The following FZD1 variants were observed in gnomAD, a reference collection of about 807,000 sequenced individuals.
The protein encoded by FZD1 is frizzled-1.
In FZD1, 22 loss-of-function variants were observed where a neutral mutation model predicts 48.0. The observed-to-expected ratio is 0.46, with a 90% CI of 0.33 to 0.65. The LOEUF (loss-of-function observed/expected upper bound fraction) is 0.65. Among genes scored for constraint, FZD1 ranks in the 30% least tolerant of loss-of-function variants. The pLI is 0.02. For missense variants in FZD1, 843 were observed against 898.1 expected (o/e 0.94, Z 0.78); for synonymous variants, 486 against 409.6 (o/e 1.19, Z -2.25).
Position 91,265,719 on chromosome 7 carries a change from T to G in FZD1, c.839T>G (p.Leu280Arg). 2 of 1,609,000 alleles carry G rather than the reference T, an allele frequency of 1.2e-6. No individual in the cohort carries two copies. The highest frequency in any genetic ancestry group is 1.7e-6 in the Non-Finnish European group (2 of 1,177,924). ...ERGKFSCPRA[L>R]KVPSYLNYHF... ...GGCAAGTTCTCCTGCCCGCGCGCCC[T>G]CAAGGTGCCCTCCTACCTCAACTAC... The change falls in exon 1 of 1, where the codon CTC (leucine) becomes CGC (arginine). Residue 280 changes from leucine to arginine, a missense_variant. Leu to Arg is a moderately radical substitution (Grantham distance 102). Around this residue, in one of 2 missense-constraint regions of FZD1, gnomAD observed 490 missense variants for 466.5 expected, o/e 1.05. Transcript: ENST00000287934. The surrounding 1 kb of genome is among the most constrained non-coding windows in gnomAD (Gnocchi z 6.9).
chr7:91,265,773 C>T lies in FZD1; in HGVS notation c.893C>T (p.Ala298Val), dbSNP rs901971943. ...TTCCTGGGGGAGAAGGACTGCGGCG[C>T]ACCTTGTGAGCCGACCAAGGTGTAT... Reference protein sequence around the residue: ...YHFLGEKDCGAPCEPTKVYGL... With the variant: ...YHFLGEKDCGVPCEPTKVYGL... Residue 298 changes from alanine (A) to valine (V), a missense_variant, in exon 1 of 1, where the codon GCA becomes GTA. Physicochemically the swap from Ala to Val is moderately conservative, Grantham distance 64 (BLOSUM62 0). Coordinates refer to ENST00000287934, the MANE Select transcript of FZD1 (RefSeq NM_003505.2). The surrounding 1 kb of genome is among the most constrained non-coding windows in gnomAD (Gnocchi z 6.9). 1.2e-6 allele frequency: 2 copies of T among 1,612,464 alleles called. No individual in the cohort carries two copies. Among genetic ancestry groups the T allele is most frequent in the Non-Finnish European group, 1.7e-6 (2 of 1,179,074 alleles).
Position 91,266,697 on chromosome 7 carries a change from A to G in FZD1, c.1817A>G (p.Lys606Arg), listed in dbSNP as rs1371741004. The change falls in exon 1 of 1, where the codon AAG becomes AGG. Residue 606 changes from lysine (K) to arginine (R), a missense_variant. By Grantham distance (26) the Lys-to-Arg change is conservative (BLOSUM62 2). Around this residue, in one of 2 missense-constraint regions of FZD1, gnomAD observed 353 missense variants for 431.6 expected, o/e 0.82. Coordinates refer to ENST00000287934, the MANE Select transcript of FZD1 (RefSeq NM_003505.2). The surrounding 1 kb of genome is among the most constrained non-coding windows in gnomAD (Gnocchi z 6.8). ...CCGGACTTCACGGTCTTCATGATTA[A>G]GTACCTTATGACGCTGATCGTGGGC... ...MSPDFTVFMI[K>R]YLMTLIVGIT... The G allele has an allele frequency of 6.2e-7, 1 of 1,613,580 alleles. No individual in the cohort carries two copies. The highest frequency in any genetic ancestry group is 1.7e-5 in the Admixed American group (1 of 60,030).
chr7:91,265,915 GC>G lies in FZD1; in HGVS notation c.1036del (p.Arg346GlyfsTer62), dbSNP rs1214413792. Reference sequence around the variant, plus strand: ...CGGTGCTTACGTACCTGGTGGACATGCGGCGCTTCAGCTACCCGGAGCGGCC... The same window carrying G: ...CGGTGCTTACGTACCTGGTGGACATGGGCGCTTCAGCTACCCGGAGCGGCC... Reference protein sequence around the residue: ...FTVLTYLVDMRRFSYPERPII... With the variant: ...FTVLTYLVDMXRFSYPERPII... On this transcript the variant is annotated frameshift_variant, in exon 1 of 1. Coordinates refer to ENST00000287934, the MANE Select transcript of FZD1 (RefSeq NM_003505.2). LOFTEE classifies it high-confidence loss of function. The surrounding 1 kb of genome is among the most constrained non-coding windows in gnomAD (Gnocchi z 6.9). The G allele has an allele frequency of 6.2e-7, 1 of 1,614,080 alleles. No individual in the cohort carries two copies. Among genetic ancestry groups the G allele is most frequent in the Non-Finnish European group, 8.5e-7 (1 of 1,180,028 alleles).
rs1803890704 is a variant in FZD1, at chr7:91,266,799, G to C, written c.1919G>C (p.Ser640Thr). 1.9e-6 allele frequency: 3 copies of C among 1,601,136 alleles called. No individual in the cohort carries two copies. Among genetic ancestry groups the C allele is most frequent in the Non-Finnish European group, 2.6e-6 (3 of 1,172,406 alleles). ...WRKFYTRLTN[S>T]KQGETTV ...AAGTTCTACACGAGGCTCACCAACA[G>C]CAAACAAGGGGAGACTACAGTCTGA... Residue 640 changes from serine (S) to threonine (T), a missense_variant, in exon 1 of 1, where the codon AGC becomes ACC. This residue lies in a region of FZD1 where 353 missense variants were observed against 431.6 expected (regional missense o/e 0.82). Coordinates refer to ENST00000287934, the MANE Select transcript of FZD1 (RefSeq NM_003505.2). This position sits in a 1 kb window ranked among gnomAD's most constrained non-coding sequence, Gnocchi z 6.8.
In FZD1 at chr7:91,266,992, G is replaced by C; in HGVS notation, c.*168G>C. The C allele has an allele frequency of 1.7e-6, 1 of 582,774 alleles. No homozygotes were observed. Among genetic ancestry groups the C allele is most frequent in the Non-Finnish European group, 3.1e-6 (1 of 321,194 alleles). The allele number at this position is 582,774 out of a possible 1,614,324, so 36.1% of individuals were successfully genotyped here. On this transcript the variant is annotated 3_prime_UTR_variant, in exon 1 of 1. Coordinates refer to ENST00000287934, the MANE Select transcript of FZD1 (RefSeq NM_003505.2). The surrounding 1 kb of genome is among the most constrained non-coding windows in gnomAD (Gnocchi z 6.8). ...AGCTCCTGCAAAAGCTTCCGTCCCT[G>C]AGGCAAAAGGACACGAGGGCCCGAC... is the stretch of plus-strand genomic sequence containing the variant.
In FZD1 at chr7:91,264,575, G is replaced by A; in HGVS notation, c.-306G>A. The A allele has an allele frequency of 2.7e-6, 1 of 364,742 alleles. No homozygotes were observed. The highest frequency in any genetic ancestry group is 4.9e-6 in the Non-Finnish European group (1 of 203,728). The allele number at this position is 364,742 out of a possible 1,614,324, so 22.6% of individuals were successfully genotyped here. A position where few individuals can be genotyped will look rare whatever the true frequency, so the allele number is the denominator to read the frequency against. On this transcript the variant is annotated 5_prime_UTR_variant, in exon 1 of 1. Coordinates refer to ENST00000287934, the MANE Select transcript of FZD1 (RefSeq NM_003505.2). Reference sequence around the variant, plus strand: ...TGCGGAGAGTTGCGCTCTCTACGGGGCCGCGGCCACTAGCGCGGCGCCGCC... The same window carrying A: ...TGCGGAGAGTTGCGCTCTCTACGGGACCGCGGCCACTAGCGCGGCGCCGCC...
In FZD1 at chr7:91,268,780, A is replaced by G. The variant is rs1018174955; in HGVS notation, c.*1956A>G. On this transcript the variant is annotated 3_prime_UTR_variant, in exon 1 of 1. Transcript: ENST00000287934. ...AGCTGTCTGAACTATTTTACATTTT[A>G]TGGTGTCTCATAGCCAATCCCACAG... 6.0e-6 allele frequency: 1 copy of G among 166,846 alleles called. No homozygotes were observed. The highest frequency in any genetic ancestry group is 1.5e-5 in the Non-Finnish European group (1 of 68,084). The allele number at this position is 166,846 out of a possible 1,614,324, so 10.3% of individuals were successfully genotyped here. A position where few individuals can be genotyped will look rare whatever the true frequency, so the allele number is the denominator to read the frequency against.
At position 91,266,986 on chromosome 7, in the gene FZD1, G is replaced by C; in HGVS notation, c.*162G>C. The C allele has an allele frequency of 1.7e-6, 1 of 588,460 alleles. No individual in the cohort carries two copies. Among genetic ancestry groups the C allele is most frequent in the South Asian group, 2.3e-5 (1 of 42,776 alleles). 36.5% of individuals were successfully genotyped at this position (588,460 alleles called of 1,614,324 possible). ...CAACTCAGCTCCTGCAAAAGCTTCC[G>C]TCCCTGAGGCAAAAGGACACGAGGG... is the stretch of plus-strand genomic sequence containing the variant. On this transcript the variant is annotated 3_prime_UTR_variant, in exon 1 of 1. Transcript: ENST00000287934. This position sits in a 1 kb window ranked among gnomAD's most constrained non-coding sequence, Gnocchi z 6.8.
Position 91,265,838 on chromosome 7 carries a change from C to G in FZD1, c.958C>G (p.Arg320Gly). 6.2e-6 allele frequency: 10 copies of G among 1,613,694 alleles called. No homozygotes were observed. The highest frequency in any genetic ancestry group is 8.5e-6 in the Non-Finnish European group (10 of 1,179,582). Residue 320 changes from arginine to glycine, a missense_variant, in exon 1 of 1, where the codon CGC (arginine) becomes GGC (glycine). Arg to Gly is a moderately radical substitution (Grantham distance 125). This residue lies in a region of FZD1 where 490 missense variants were observed against 466.5 expected (regional missense o/e 1.05). Coordinates refer to ENST00000287934, the MANE Select transcript of FZD1 (RefSeq NM_003505.2). This position sits in a 1 kb window ranked among gnomAD's most constrained non-coding sequence, Gnocchi z 6.9. ...CGGGCCCGAGGAGCTGCGCTTCTCG[C>G]GCACCTGGATTGGCATTTGGTCAGT... The part of the protein sequence containing the change: ...YFGPEELRFS[R>G]TWIGIWSVLC...
At position 91,265,163 on chromosome 7, in the gene FZD1, C is replaced by T. The variant is rs1193581660; in HGVS notation, c.283C>T (p.Gln95Ter). 6.2e-7 allele frequency: 1 copy of T among 1,610,138 alleles called. No individual in the cohort carries two copies. The highest frequency in any genetic ancestry group is 1.7e-5 in the Admixed American group (1 of 59,890). The change falls in exon 1 of 1, where the codon CAG becomes TAG. Residue 95 changes from glutamine to a stop codon, truncating the protein, a stop_gained. Coordinates refer to ENST00000287934, the MANE Select transcript of FZD1 (RefSeq NM_003505.2). LOFTEE classifies it high-confidence loss of function. This position sits in a 1 kb window ranked among gnomAD's most constrained non-coding sequence, Gnocchi z 6.9. ...GCAGCAACCGCCGCCGCCGCCTCAG[C>T]AGCAACAGAGCGGGCAGCAGTACAA... Reference protein sequence around the residue: ...PGQQPPPPPQQQQSGQQYNGE... With the variant: ...PGQQPPPPPQ
rs1446975997 is a variant in FZD1 at position 91,264,788 on chromosome 7, G to A, written c.-93G>A. ...GGCTTGGGCTCGACGGAGGGCACCC[G>A]CGCAGAGGTCTCCCTGGCCGCAGGG... On this transcript the variant is annotated 5_prime_UTR_variant, in exon 1 of 1. Coordinates refer to ENST00000287934, the MANE Select transcript of FZD1 (RefSeq NM_003505.2). The A allele has an allele frequency of 1.2e-6, 1 of 853,652 alleles. No homozygotes were observed. The highest frequency in any genetic ancestry group is 4.5e-5 in the South Asian group (1 of 22,292). The allele number at this position is 853,652 out of a possible 1,614,324, so 52.9% of individuals were successfully genotyped here. A position where few individuals can be genotyped will look rare whatever the true frequency, so the allele number is the denominator to read the frequency against.
rs904656298 is a variant in FZD1 at position 91,265,772 on chromosome 7, G to T, written c.892G>T (p.Ala298Ser). 1.9e-6 allele frequency: 3 copies of T among 1,611,470 alleles called. No homozygotes were observed. The highest frequency in any genetic ancestry group is 2.7e-5 in the African/African-American group (2 of 74,908). Residue 298 changes from alanine to serine, a missense_variant, in exon 1 of 1, where the codon GCA becomes TCA. This residue lies in a region of FZD1 where 490 missense variants were observed against 466.5 expected (regional missense o/e 1.05). Transcript: ENST00000287934. The surrounding 1 kb of genome is among the most constrained non-coding windows in gnomAD (Gnocchi z 6.9). ...YHFLGEKDCG[A>S]PCEPTKVYGL... ...CTTCCTGGGGGAGAAGGACTGCGGCGCACCTTGTGAGCCGACCAAGGTGTA... is the reference window on the plus strand; with the variant it reads ...CTTCCTGGGGGAGAAGGACTGCGGCTCACCTTGTGAGCCGACCAAGGTGTA...
Position 91,264,492 on chromosome 7 carries a change from C to T in FZD1, c.-389C>T. On this transcript the variant is annotated 5_prime_UTR_variant, in exon 1 of 1. Transcript: ENST00000287934. ...GAGTTGAGGGATTGACACAAATGGTCAGGCGGCGGCGGCGGAGAAGGAGGC... is the reference window on the plus strand; with the variant it reads ...GAGTTGAGGGATTGACACAAATGGTTAGGCGGCGGCGGCGGAGAAGGAGGC... 1 of 299,296 alleles carries T rather than the reference C, an allele frequency of 3.3e-6. No homozygotes were observed. Among genetic ancestry groups the T allele is most frequent in the Non-Finnish European group, 6.2e-6 (1 of 162,072 alleles). The allele number at this position is 299,296 out of a possible 1,614,324, so 18.5% of individuals were successfully genotyped here. A position where few individuals can be genotyped will look rare whatever the true frequency, so the allele number is the denominator to read the frequency against.
At position 91,266,252 on chromosome 7, in the gene FZD1, A is replaced by G; in HGVS notation, c.1372A>G (p.Lys458Glu). The G allele has an allele frequency of 6.2e-7, 1 of 1,614,118 alleles. No individual in the cohort carries two copies. ...HLAAWAVPAI[K>E]TITILALGQV... The stretch of plus-strand genomic sequence containing the variant: ...GGCCGCCTGGGCTGTGCCGGCCATC[A>G]AGACCATCACCATCCTGGCGCTGGG... The change falls in exon 1 of 1, where the codon AAG becomes GAG. Residue 458 changes from lysine (K) to glutamate (E), a missense_variant. Physicochemically the swap from Lys to Glu is moderately conservative, Grantham distance 56. This residue lies in a region of FZD1 where 353 missense variants were observed against 431.6 expected (regional missense o/e 0.82). Coordinates refer to ENST00000287934, the MANE Select transcript of FZD1 (RefSeq NM_003505.2). This position sits in a 1 kb window ranked among gnomAD's most constrained non-coding sequence, Gnocchi z 6.8.
In FZD1 at chr7:91,265,116, C is replaced by T; in HGVS notation, c.236C>T (p.Pro79Leu). 1 of 1,502,934 alleles carries T rather than the reference C, an allele frequency of 6.7e-7. No individual in the cohort carries two copies. The highest frequency in any genetic ancestry group is 2.5e-5 in the East Asian group (1 of 39,924). 93.1% of individuals were successfully genotyped at this position (1,502,934 alleles called of 1,614,324 possible). The change falls in exon 1 of 1, where the codon CCA (proline) becomes CTA (leucine). Residue 79 changes from proline (P) to leucine (L), a missense_variant. By Grantham distance (98) the Pro-to-Leu change is moderately conservative (BLOSUM62 -3). Coordinates refer to ENST00000287934, the MANE Select transcript of FZD1 (RefSeq NM_003505.2). This position sits in a 1 kb window ranked among gnomAD's most constrained non-coding sequence, Gnocchi z 6.9. ...CGGGCCCAGGCGGCGGGCCAGGGGC[C>T]AGGCCAGGGGCCCGGGCCGGGGCAG... The part of the protein sequence containing the change: ...GVRAQAAGQG[P>L]GQGPGPGQQP...
At position 91,267,013 on chromosome 7, in the gene FZD1, C is replaced by T; in HGVS notation, c.*189C>T. 1 of 563,472 alleles carries T rather than the reference C, an allele frequency of 1.8e-6. No individual in the cohort carries two copies. The highest frequency in any genetic ancestry group is 3.2e-6 in the Non-Finnish European group (1 of 309,504). The allele number at this position is 563,472 out of a possible 1,614,324, so 34.9% of individuals were successfully genotyped here. On this transcript the variant is annotated 3_prime_UTR_variant, in exon 1 of 1. Coordinates refer to ENST00000287934, the MANE Select transcript of FZD1 (RefSeq NM_003505.2). ...CCCTGAGGCAAAAGGACACGAGGGC[C>T]CGACTGCCAGAGGGAGGATGGACAG...
At position 91,269,555 on chromosome 7, in the gene FZD1, T is replaced by A. The variant is rs746068416; in HGVS notation, c.*2731T>A. 9.0e-5 allele frequency: 15 copies of A among 167,000 alleles called. No homozygotes were observed. The highest frequency in any genetic ancestry group is 3.2e-3 in the Middle Eastern group (1 of 316). The allele number at this position is 167,000 out of a possible 1,614,324, so 10.3% of individuals were successfully genotyped here. ...AAATGACAAGGGACTAAAATGAAGA[T>A]CATTGATACAATAGAGTTACTTTCC... is the stretch of plus-strand genomic sequence containing the variant. On this transcript the variant is annotated 3_prime_UTR_variant, in exon 1 of 1. Transcript: ENST00000287934.
rs1440579550 is a variant in FZD1, at chr7:91,268,495, T to C, written c.*1671T>C. 1 of 167,050 alleles carries C rather than the reference T, an allele frequency of 6.0e-6. No individual in the cohort carries two copies. The highest frequency in any genetic ancestry group is 1.5e-5 in the Non-Finnish European group (1 of 68,102). 10.3% of individuals were successfully genotyped at this position (167,050 alleles called of 1,614,324 possible). On this transcript the variant is annotated 3_prime_UTR_variant, in exon 1 of 1. Coordinates refer to ENST00000287934, the MANE Select transcript of FZD1 (RefSeq NM_003505.2). The stretch of plus-strand genomic sequence containing the variant: ...AGAGGAGAAAAGCAATCCTCCTGAT[T>C]GTATTGTTTTAAACTTTAAGAATTT...
In FZD1 at chr7:91,270,218, C is replaced by T. The variant is rs1803948653; in HGVS notation, c.*3394C>T. The T allele has an allele frequency of 6.0e-6, 1 of 166,930 alleles. No individual in the cohort carries two copies. Among genetic ancestry groups the T allele is most frequent in the Non-Finnish European group, 1.5e-5 (1 of 68,100 alleles). The allele number at this position is 166,930 out of a possible 1,614,324, so 10.3% of individuals were successfully genotyped here. A position where few individuals can be genotyped will look rare whatever the true frequency, so the allele number is the denominator to read the frequency against. ...GCTATAAATTGGGGTCAATTTCCCC[C>T]CTCACAGTGTACTTAATTTAGCTTT... On this transcript the variant is annotated 3_prime_UTR_variant, in exon 1 of 1. Coordinates refer to ENST00000287934, the MANE Select transcript of FZD1 (RefSeq NM_003505.2).
Sources: gnomAD v4.1 joint callset for allele counts on GRCh38, gnomAD v4.1.1 for gene constraint, gnomAD v4.1.1 regional missense constraint, Gnocchi (gnomAD v3.1) non-coding constraint, MANE v1.5 for transcripts, NCBI Gene and HGNC (gene_info 2026-07-23, HGNC 2026-07-21) for gene names.